UBE2G1: variants seen among roughly 807,000 people sequenced by gnomAD.
UBE2G1 encodes ubiquitin conjugating enzyme E2 G1, also known as ubiquitin-conjugating enzyme E2 G1.
UBE2G1 carries 5 observed loss-of-function variants against 22.7 expected under a neutral mutation model. That is an observed-to-expected ratio of 0.22 (90% confidence interval 0.12 to 0.46). The LOEUF (loss-of-function observed/expected upper bound fraction) is 0.46. UBE2G1 is among the 20% of genes least tolerant of loss of function. UBE2G1 has a pLI of 0.99. For synonymous variants in UBE2G1, 74 were observed against 67.5 expected, an observed-to-expected ratio of 1.10 and a Z score of -0.47; for missense variants, 88 against 203.9, an observed-to-expected ratio of 0.43 and a Z score of 3.46.
At chr17:4,365,287 G>A (rs1400363604) in intron 1 of UBE2G1, among the ~76,000 whole-genome samples, 3 of 152,332 alleles carry the variant, frequency 2.0e-5, no homozygotes, top group Non-Finnish European at 4.4e-5. Context: ...GCAGCACGTG[G>A]GGCTGCATTG....
chr17:4,365,337 C>A (rs1970019692), intron 1 of UBE2G1, among the ~76,000 whole-genome samples: 1 of 152,264 alleles, frequency 6.6e-6, no homozygotes, highest in Non-Finnish European at 1.5e-5. Context: ...ACTCCGCACA[C>A]GGACGTCTCC....
At chr17:4,351,599 G>A (rs1969845140) in intron 1 of UBE2G1, among the ~76,000 whole-genome samples, 1 of 152,100 alleles carries the variant, frequency 6.6e-6, no homozygotes, top group South Asian at 2.1e-4. Context: ...ACAGCAGTCT[G>A]AAAATCAGAA....
chr17:4,361,705 G>A (rs534531133), intron 1 of UBE2G1, among the ~76,000 whole-genome samples: 3 of 151,588 alleles, frequency 2.0e-5, no homozygotes, highest in Admixed American at 6.6e-5. Flanking sequence ...TTCGTAAGCT[G>A]AGGCGGGTGA....
chr17:4,313,266 T>TAA (rs1969332060), intron 1 of UBE2G1, among the ~76,000 whole-genome samples: 1 of 152,216 alleles, frequency 6.6e-6, no homozygotes, highest in South Asian at 2.1e-4. Context: ...CAAAATACTT[T>TAA]AAGGTTAGTA....
intron 1 of UBE2G1, among the ~76,000 whole-genome samples, chr17:4,339,911 C>T (rs1969692360): frequency 6.6e-6 from 1 of 152,006 alleles, no homozygotes; most frequent in Middle Eastern, 3.2e-3. Context: ...TTCCTTCTCT[C>T]TTTTCCTTTT....
At chr17:4,328,116 G>A (rs1969523408) in intron 1 of UBE2G1, among the ~76,000 whole-genome samples, 1 of 152,082 alleles carries the variant, frequency 6.6e-6, no homozygotes, top group Non-Finnish European at 1.5e-5. Context: ...TCTTAGTTTT[G>A]GAAAGAATAT....
chr17:4,361,087 G>C (rs1176689075), intron 1 of UBE2G1, among the ~76,000 whole-genome samples: 2 of 151,850 alleles, frequency 1.3e-5, no homozygotes, highest in Admixed American at 1.3e-4. Flanking sequence ...GCTGGGCGTG[G>C]TGGTGGACAC....
At position 4,363,022 on chromosome 17, in the gene UBE2G1, C is replaced by T. The variant is rs1296289721; in HGVS notation, c.46+3249G>A. ...TCTGTAATCCCAGCAACTCTGAGGC[C>T]GAGGCAGGAGAATCACTTGAACCCA... On this transcript the variant is annotated intron_variant, in intron 1 of 5. Coordinates refer to ENST00000396981, the MANE Select transcript of UBE2G1 (RefSeq NM_003342.5). Among the ~76,000 whole-genome samples, 6 of 151,976 alleles carry T rather than the reference C, an allele frequency of 3.9e-5. 1 individual carries two copies. In the South Asian group the frequency reaches 1.0e-3, roughly 26 times the overall value.
In UBE2G1 at chr17:4,339,090, AT is replaced by A. The variant is rs557425234; in HGVS notation, c.46+27180del. Among the ~76,000 whole-genome samples, 506 of 152,194 alleles carry A rather than the reference AT, an allele frequency of 3.3e-3. 3 individuals carry two copies. Among genetic ancestry groups the A allele is most frequent in the South Asian group, 0.022 (104 of 4,818 alleles). On this transcript the variant is annotated intron_variant, in intron 1 of 5. Transcript: ENST00000396981. Reference sequence around the variant, plus strand: ...GGAATGTATATTACATTTTATGAAAATTTTTCAACAACAGTAACAACGAACG... The same window carrying A: ...GGAATGTATATTACATTTTATGAAAATTTTCAACAACAGTAACAACGAACG...
At chr17:4,343,649 C>T (rs1321933079) in intron 1 of UBE2G1, among the ~76,000 whole-genome samples, 2 of 151,422 alleles carry the variant, frequency 1.3e-5, no homozygotes, top group African/African-American at 2.4e-5. Context: ...AGTGTGGTGG[C>T]GCAATCTCGG....
rs1291378583 is a variant in UBE2G1 at position 4,307,038 on chromosome 17, G to A, written c.132C>T (p.Gly44=). ...DLYRWEVLII[G]PPDTLYEGGV... The stretch of plus-strand genomic sequence containing the variant: ...ATACTTACTAAAGTGTATCTGGAGG[G>A]CCAATAATAAGGACTTCCCATCGGT... Residue 44 remains glycine, a synonymous_variant, in exon 2 of 6, where the codon GGC becomes GGT. Transcript: ENST00000396981. The A allele has an allele frequency of 3.1e-6, 5 of 1,613,546 alleles. No individual in the cohort carries two copies. The highest frequency in any genetic ancestry group is 4.2e-6 in the Non-Finnish European group (5 of 1,179,588).
intron 1 of UBE2G1, among the ~76,000 whole-genome samples, chr17:4,338,368 T>C (rs780158878): frequency 6.6e-6 from 1 of 152,142 alleles, no homozygotes; most frequent in Non-Finnish European, 1.5e-5. Flanking sequence ...TAAACACAGA[T>C]ACAATGGATG....
chr17:4,301,683 TATTTA>T, intron 2 of UBE2G1: 1 of 722,882 alleles, frequency 1.4e-6, no homozygotes, highest in Non-Finnish European at 2.6e-6. Flanking sequence ...CTGGGTGGAA[TATTTA>T]ATGTTTTTTG....
In UBE2G1 at chr17:4,281,222, A is replaced by G. The variant is rs138502142; in HGVS notation, c.*37+1576T>C. Among the ~76,000 whole-genome samples, 127 of 152,356 alleles carry G rather than the reference A, an allele frequency of 8.3e-4. 1 individual carries two copies. Among genetic ancestry groups the G allele is most frequent in the African/African-American group, 2.8e-3 (118 of 41,588 alleles). On this transcript the variant is annotated intron_variant, in intron 5 of 5. Coordinates refer to ENST00000396981, the MANE Select transcript of UBE2G1 (RefSeq NM_003342.5). ...CCCAGTGTAATAGCACACAGGTGAA[A>G]TGTACCTATTTGCAACACAGATCAA...
At chr17:4,279,774 C>A in intron 5 of UBE2G1, among the ~76,000 whole-genome samples, 1 of 92,992 alleles carries the variant, frequency 1.1e-5, no homozygotes, top group African/African-American at 3.7e-5. Context: ...AACTCTGCCC[C>A]CAAAAAAAAG....
intron 1 of UBE2G1, among the ~76,000 whole-genome samples, chr17:4,356,582 T>G (rs748484095): frequency 5.3e-5 from 8 of 151,848 alleles, no homozygotes; most frequent in Non-Finnish European, 1.2e-4. Flanking sequence ...AAAATTAGGA[T>G]GGTAGCTGTG....
At chr17:4,348,483 G>C in intron 1 of UBE2G1, among the ~76,000 whole-genome samples, 1 of 149,510 alleles carries the variant, frequency 6.7e-6, no homozygotes, top group Non-Finnish European at 1.5e-5. Context: ...AATCCGGGAG[G>C]CAGAGCTTGC....
chr17:4,349,779 C>T (rs1370095809), intron 1 of UBE2G1, among the ~76,000 whole-genome samples: 1 of 150,812 alleles, frequency 6.6e-6, no homozygotes, highest in Non-Finnish European at 1.5e-5. Flanking sequence ...GGAGGCGGAG[C>T]TTGCAGTGAG....
chr17:4,273,265 C>T (rs192888009), intron 5 of UBE2G1, among the ~76,000 whole-genome samples: 18 of 152,378 alleles, frequency 1.2e-4, no homozygotes, highest in South Asian at 4.1e-4. Context: ...GGAGTCTCCC[C>T]TCTAAAGCTG....
Sources: allele counts gnomAD v4.1 joint callset (sites outside exome capture counted in the v4.1 genomes callset), GRCh38; gene constraint gnomAD v4.1.1; transcripts MANE v1.5; gene names NCBI Gene and HGNC (gene_info 2026-07-23, HGNC 2026-07-21).